Variants in BIRC6 observed in about 807,000 individuals in gnomAD.
BIRC6 encodes the protein baculoviral IAP repeat containing 6, also known as dual E2 ubiquitin-conjugating enzyme/E3 ubiquitin-protein ligase BIRC6.
In BIRC6, 98 loss-of-function variants were observed where a neutral mutation model predicts 503.3. The ratio of observed to expected loss-of-function variants is 0.19; its 90% CI spans 0.17 to 0.23. The LOEUF (loss-of-function observed/expected upper bound fraction) is 0.23. BIRC6 is among the 10% of genes least tolerant of loss of function. BIRC6 has a pLI of 1.00. For synonymous variants in BIRC6, 2,240 were observed against 2,078.7 expected (o/e 1.08, Z -2.11); for missense variants, 5,360 against 5,806.0 (o/e 0.92, Z 2.50).
rs1242272121 is a variant in BIRC6 at position 32,380,133 on chromosome 2, A to G, written c.508-20A>G. ...GTGTTGAATTTTCTGTGATTTTTTTATTTTTTATTTTTTATTTAGGCACAG... is the reference window on the plus strand; with the variant it reads ...GTGTTGAATTTTCTGTGATTTTTTTGTTTTTTATTTTTTATTTAGGCACAG... On this transcript the variant is annotated intron_variant, in intron 2 of 73. Coordinates refer to ENST00000421745, the MANE Select transcript of BIRC6 (RefSeq NM_016252.4). 6.9e-7 allele frequency: 1 copy of G among 1,449,952 alleles called. No homozygotes were observed. Among genetic ancestry groups the G allele is most frequent in the Non-Finnish European group, 9.1e-7 (1 of 1,095,774 alleles). The allele number at this position is 1,449,952 out of a possible 1,614,324, so 89.8% of individuals were successfully genotyped here. A position where few individuals can be genotyped will look rare whatever the true frequency, so the allele number is the denominator to read the frequency against.
rs778089835 is a variant in BIRC6 at position 32,482,519 on chromosome 2, G to A, written c.7633G>A (p.Ala2545Thr). The A allele has an allele frequency of 1.9e-6, 3 of 1,613,908 alleles. No individual in the cohort carries two copies. Among genetic ancestry groups the A allele is most frequent in the Non-Finnish European group, 2.5e-6 (3 of 1,179,840 alleles). Residue 2545 changes from alanine (A) to threonine (T), a missense_variant, in exon 39 of 74, where the codon GCA (alanine) becomes ACA (threonine). Around this residue, in one of 16 missense-constraint regions of BIRC6, gnomAD observed 2,299 missense variants for 2,267.2 expected, o/e 1.01. Transcript: ENST00000421745. ...PYIGGLGIPV[A>T]KPPANTEKNG... The stretch of plus-strand genomic sequence containing the variant: ...CATTGGAGGTCTGGGAATTCCTGTA[G>A]CAAAGCCACCAGCAAACACGGAGAA...
At chr2:32,500,198 C>T in intron 46 of BIRC6, 89 bp downstream of exon 46, 1 of 1,218,854 alleles carries the variant, frequency 8.2e-7, no homozygotes, top group Non-Finnish European at 1.1e-6. Flanking sequence ...TTTCTTTTTA[C>T]TTTATAGTGT....
At chr2:32,393,838 T>C (rs1362148215) in intron 5 of BIRC6, among the ~76,000 whole-genome samples, 2 of 152,128 alleles carry the variant, frequency 1.3e-5, no homozygotes, top group Non-Finnish European at 2.9e-5. Context: ...AGAATTCAAG[T>C]ACATTTTGAA....
intron 17 of BIRC6, 94 bp downstream of exon 17, chr2:32,441,556 C>A: frequency 1.6e-6 from 2 of 1,236,928 alleles, no homozygotes; most frequent in Non-Finnish European, 2.2e-6. Context: ...AATCTTTTAC[C>A]TGAAAATTTT....
At chr2:32,474,841 G>A (rs2049544035) in intron 33 of BIRC6, among the ~76,000 whole-genome samples, 1 of 152,130 alleles carries the variant, frequency 6.6e-6, no homozygotes, top group Non-Finnish European at 1.5e-5. Context: ...ATGTGTACAT[G>A]CTAGTTTTAA....
Position 32,508,275 on chromosome 2 carries a change from C to CTTTTT in BIRC6, c.9980+16_9980+17insTTTTT, listed in dbSNP as rs1558924779. 15 of 577,778 alleles carry CTTTTT rather than the reference C, an allele frequency of 2.6e-5. No individual in the cohort carries two copies. Among genetic ancestry groups the CTTTTT allele is most frequent in the South Asian group, 1.7e-4 (3 of 18,146 alleles). 35.8% of individuals were successfully genotyped at this position (577,778 alleles called of 1,614,324 possible). On this transcript the variant is annotated intron_variant, in intron 51 of 73. Transcript: ENST00000421745. The stretch of plus-strand genomic sequence containing the variant: ...CCAAAACAAGGTATGTTTTGTTTGT[C>CTTTTT]CTTTTTTTTTTTTTTTTTTTTTTTT...
intron 1 of BIRC6, among the ~76,000 whole-genome samples, chr2:32,377,281 T>C (rs1325880717): frequency 1.3e-5 from 2 of 151,226 alleles, no homozygotes; most frequent in African/African-American, 4.9e-5. Flanking sequence ...TACTTGAGAG[T>C]TGGTTGCATA....
rs755868637 is a variant in BIRC6, at chr2:32,487,668, C to G, written c.7835C>G (p.Thr2612Arg). Residue 2612 changes from threonine (T) to arginine (R), a missense_variant, in exon 41 of 74, where the codon ACA becomes AGA. Around this residue, in one of 16 missense-constraint regions of BIRC6, gnomAD observed 2,299 missense variants for 2,267.2 expected, o/e 1.01. Coordinates refer to ENST00000421745, the MANE Select transcript of BIRC6 (RefSeq NM_016252.4). ...TCAGTATCACAGTCTCCCACTGGAA[C>G]AGATGATTCACTTCTAGGGGGTTTA... ...SPTLSQSPTG[T>R]DDSLLGGLQA... The G allele has an allele frequency of 2.5e-6, 4 of 1,613,462 alleles. No homozygotes were observed. Among genetic ancestry groups the G allele is most frequent in the Admixed American group, 3.3e-5 (2 of 59,992 alleles).
intron 45 of BIRC6, among the ~76,000 whole-genome samples, chr2:32,494,927 A>G (rs1010401715): frequency 2.0e-5 from 3 of 152,174 alleles, no homozygotes; most frequent in African/African-American, 7.2e-5. Context: ...AAATAAATTA[A>G]TGATCAGGAA....
rs770679479 is a variant in BIRC6 at position 32,485,773 on chromosome 2, C to T, written c.7813+14C>T. ...CATCTCCTACATGTAAGTAAAATGA[C>T]CATTTTTAGAGTATTGCAGTGAATG... On this transcript the variant is annotated intron_variant, in intron 40 of 73. Coordinates refer to ENST00000421745, the MANE Select transcript of BIRC6 (RefSeq NM_016252.4). 2 of 1,507,336 alleles carry T rather than the reference C, an allele frequency of 1.3e-6. No individual in the cohort carries two copies. The highest frequency in any genetic ancestry group is 2.3e-5 in the East Asian group (1 of 44,284). The allele number at this position is 1,507,336 out of a possible 1,614,324, so 93.4% of individuals were successfully genotyped here. A position where few individuals can be genotyped will look rare whatever the true frequency, so the allele number is the denominator to read the frequency against.
chr2:32,490,019 T>A, intron 42 of BIRC6, 22 bp from the exon 43 acceptor site: 1 of 1,480,714 alleles, frequency 6.8e-7, no homozygotes, highest in South Asian at 1.2e-5. Flanking sequence ...AAAAATATTT[T>A]CCCTTTCTCT....
intron 32 of BIRC6, among the ~76,000 whole-genome samples, chr2:32,471,681 T>G (rs1488428265): frequency 6.6e-6 from 1 of 152,158 alleles, no homozygotes; most frequent in South Asian, 2.1e-4. Flanking sequence ...TATTTTTCTT[T>G]ATTTTTATTT....
chr2:32,616,377 G>C (rs1364838854), intron 73 of BIRC6, among the ~76,000 whole-genome samples: 1 of 151,700 alleles, frequency 6.6e-6, no homozygotes, highest in Non-Finnish European at 1.5e-5. Flanking sequence ...GGCCAAGAAG[G>C]CAAAACCCCG....
At chr2:32,507,401 T>C (rs2053918287) in intron 50 of BIRC6, among the ~76,000 whole-genome samples, 1 of 152,038 alleles carries the variant, frequency 6.6e-6, no homozygotes, top group South Asian at 2.1e-4. Context: ...CTGCACTCAC[T>C]CCAGCCTGGG....
At chr2:32,427,914 A>T (rs1208302623) in intron 10 of BIRC6, among the ~76,000 whole-genome samples, 1 of 152,220 alleles carries the variant, frequency 6.6e-6, no homozygotes, top group Non-Finnish European at 1.5e-5. Flanking sequence ...GAAAACAAAC[A>T]AACTGTTGAA....
chr2:32,468,511 A>G lies in BIRC6; in HGVS notation c.5855A>G (p.Asn1952Ser), dbSNP rs2048794636. ...IDLPPLNSAN[N>S]AQYFLRKPDK... ...CTTCCTCCTCTAAACAGTGCTAACA[A>G]TGCACAGTACTTTTTACGAAAACCA... The change falls in exon 29 of 74, where the codon AAT (asparagine) becomes AGT (serine). Residue 1952 changes from asparagine (N) to serine (S), a missense_variant. Transcript: ENST00000421745. The G allele has an allele frequency of 1.2e-6, 2 of 1,613,874 alleles. No individual in the cohort carries two copies. The highest frequency in any genetic ancestry group is 2.7e-5 in the African/African-American group (2 of 74,940).
intron 50 of BIRC6, chr2:32,505,467 A>T (rs1572680120): frequency 2.7e-6 from 1 of 370,304 alleles, no homozygotes; most frequent in Non-Finnish European, 5.0e-6. Flanking sequence ...TTTTCTCTCA[A>T]ATTTACTAAG....
chr2:32,504,510 A>G (rs1459049699), intron 49 of BIRC6, among the ~76,000 whole-genome samples: 1 of 151,868 alleles, frequency 6.6e-6, no homozygotes, highest in East Asian at 1.9e-4. Flanking sequence ...TACTAAAAAT[A>G]CAAAAAATTA....
intron 57 of BIRC6, chr2:32,523,613 A>G (rs759430284): frequency 2.0e-5 from 3 of 152,252 alleles, no homozygotes; most frequent in Non-Finnish European, 4.4e-5. Flanking sequence ...AGCAATTAGT[A>G]TTAAGAAGTT....
Sources: allele counts gnomAD v4.1 joint callset (sites outside exome capture counted in the v4.1 genomes callset), GRCh38; gene constraint gnomAD v4.1.1; regional missense constraint gnomAD v4.1.1; transcripts MANE v1.5; gene names NCBI Gene and HGNC (gene_info 2026-07-23, HGNC 2026-07-21).